Variants in CLDN19 observed in about 807,000 individuals in gnomAD.
The protein encoded by CLDN19 is claudin-19.
In CLDN19, 19 loss-of-function variants were observed where a neutral mutation model predicts 24.5. The observed-to-expected ratio is 0.78, with a 90% CI of 0.54 to 1.14. CLDN19 has a LOEUF of 1.14. Among genes scored for constraint, CLDN19 ranks in the 50% most tolerant of loss-of-function variants. The probability of loss-of-function intolerance (pLI) is 0.00; values close to 1 mark genes in which losing one functional copy is unlikely to be tolerated. For missense variants in CLDN19, 250 were observed against 295.9 expected, an observed-to-expected ratio of 0.84 and a Z score of 1.14; for synonymous variants, 117 against 129.6, an observed-to-expected ratio of 0.90 and a Z score of 0.66.
In CLDN19 at chr1:42,735,278, C is replaced by T. The variant is rs531471001; in HGVS notation, c.627-144G>A. The T allele has an allele frequency of 3.8e-4, 575 of 1,532,940 alleles. No homozygotes were observed. In the African/African-American group the frequency reaches 6.8e-3, roughly 18 times the overall value. The allele number at this position is 1,532,940 out of a possible 1,614,324, so 95.0% of individuals were successfully genotyped here. Reference sequence around the variant, plus strand: ...AGCAGCCCTGCCTGGGGCCCATTCCCGGGGGCAGGGGCGCCATGGTCCGAC... The same window carrying T: ...AGCAGCCCTGCCTGGGGCCCATTCCTGGGGGCAGGGGCGCCATGGTCCGAC... On this transcript the variant is annotated intron_variant, in intron 4 of 4. Coordinates refer to ENST00000296387, the MANE Select transcript of CLDN19 (RefSeq NM_148960.3).
At chr1:42,735,304 C>T in intron 4 of CLDN19, 170 bp from the exon 5 acceptor site, 1 of 1,502,708 alleles carries the variant, frequency 6.7e-7, no homozygotes, top group South Asian at 1.3e-5. Flanking sequence ...ATGGTCCGAC[C>T]TCACCATCTG....
In CLDN19 at chr1:42,740,005, C is replaced by T. The variant is rs118203979; in HGVS notation, c.59G>A (p.Gly20Asp). The change falls in exon 1 of 5, where the codon GGC (glycine) becomes GAC (aspartate). Residue 20 changes from glycine (G) to aspartate (D), a missense_variant. Gly to Asp is a moderately conservative substitution (Grantham distance 94). Coordinates refer to ENST00000296387, the MANE Select transcript of CLDN19 (RefSeq NM_148960.3). Reference protein sequence around the residue: ...GYFLALGGWVGIIASTALPQW... With the variant: ...GYFLALGGWVDIIASTALPQW... Reference sequence around the variant, plus strand: ...TGGCAGGGCTGTGCTAGCAATGATGCCCACCCAGCCACCCAGGGCCAAGAA... The same window carrying T: ...TGGCAGGGCTGTGCTAGCAATGATGTCCACCCAGCCACCCAGGGCCAAGAA... The T allele has an allele frequency of 2.3e-5, 37 of 1,577,704 alleles. No individual in the cohort carries two copies. In the Admixed American group the frequency reaches 3.8e-4, roughly 16 times the overall value.
chr1:42,735,975 G>C lies in CLDN19; in HGVS notation c.529C>G (p.Leu177Val), dbSNP rs867926864. The part of the protein sequence containing the change: ...VGWASAGLAV[L>V]GGSFLCCTCP... ...GTGCAGCAGAGGAAGGAGCCGCCCA[G>C]CACGGCCAGGCCAGCTGAGGCCCAG... Residue 177 changes from leucine to valine, a missense_variant, in exon 4 of 5, where the codon CTG becomes GTG. Coordinates refer to ENST00000296387, the MANE Select transcript of CLDN19 (RefSeq NM_148960.3). 1 of 1,575,030 alleles carries C rather than the reference G, an allele frequency of 6.3e-7. No homozygotes were observed. Among genetic ancestry groups the C allele is most frequent in the South Asian group, 1.2e-5 (1 of 85,852 alleles).
At chr1:42,739,006 A>G (rs1482885180) in intron 1 of CLDN19, among the ~76,000 whole-genome samples, 1 of 152,034 alleles carries the variant, frequency 6.6e-6, no homozygotes, top group East Asian at 1.9e-4. Flanking sequence ...ACCCCTCCCC[A>G]GCAGCCATTC....
At chr1:42,735,686 T>C (rs1651341023) in intron 4 of CLDN19, 192 bp downstream of exon 4, 2 of 1,448,094 alleles carry the variant, frequency 1.4e-6, no homozygotes, top group Non-Finnish European at 1.8e-6. Context: ...GGGTCCTGCC[T>C]CTGGTGTCTC....
At chr1:42,737,842 C>T (rs908332683) in intron 3 of CLDN19, among the ~76,000 whole-genome samples, 1 of 152,168 alleles carries the variant, frequency 6.6e-6, no homozygotes, top group Non-Finnish European at 1.5e-5. Flanking sequence ...GCCACCATGC[C>T]CAGATATTTT....
chr1:42,739,484 G>A (rs1361311354), intron 1 of CLDN19, among the ~76,000 whole-genome samples: 1 of 152,236 alleles, frequency 6.6e-6, no homozygotes, highest in Non-Finnish European at 1.5e-5. Context: ...TCTGTCTACT[G>A]ACTGTGGGGA....
At chr1:42,736,201 C>T (rs1030818171) in intron 3 of CLDN19, among the ~76,000 whole-genome samples, 171 bp from the exon 4 acceptor site, 8 of 152,306 alleles carry the variant, frequency 5.3e-5, no homozygotes, top group Admixed American at 2.6e-4. Context: ...CTCCCTCCCC[C>T]CCAGCCCAGA....
chr1:42,735,219 G>T, intron 4 of CLDN19, 85 bp from the exon 5 acceptor site: 1 of 1,593,502 alleles, frequency 6.3e-7, no homozygotes, highest in Non-Finnish European at 8.5e-7. Flanking sequence ...CCGGACATGG[G>T]TACTGGCCAG....
intron 3 of CLDN19, 73 bp downstream of exon 3, chr1:42,738,156 C>G: frequency 8.1e-7 from 1 of 1,235,094 alleles, no homozygotes; most frequent in African/African-American, 1.5e-5. Context: ...ACTTCCCCCG[C>G]CAGGTGATCC....
intron 4 of CLDN19, chr1:42,735,576 G>A: frequency 7.0e-7 from 1 of 1,422,198 alleles, no homozygotes; most frequent in Non-Finnish European, 9.2e-7. Context: ...CAGCCGGGCT[G>A]GTGCCTGAGG....
intron 1 of CLDN19, among the ~76,000 whole-genome samples, chr1:42,739,631 C>T (rs1651484503): frequency 6.6e-6 from 1 of 152,210 alleles, no homozygotes; most frequent in Non-Finnish European, 1.5e-5. Context: ...GGAATCTGGA[C>T]CCACAGCCGC....
Position 42,738,526 on chromosome 1 carries a change from T to C in CLDN19, c.283A>G (p.Met95Val), listed in dbSNP as rs749031151. 6.2e-7 allele frequency: 1 copy of C among 1,613,894 alleles called. No homozygotes were observed. The highest frequency in any genetic ancestry group is 2.2e-5 in the East Asian group (1 of 44,876). ...TTCATGCCAACTACGCTGAGGACCA[T>C]GGCCACGAAGCCCAGGAGCACGGCC... The part of the protein sequence containing the change: ...VVAVLLGFVA[M>V]VLSVVGMKCT... The change falls in exon 2 of 5, where the codon ATG becomes GTG. Residue 95 changes from methionine (M) to valine (V), a missense_variant. Physicochemically the swap from Met to Val is conservative, Grantham distance 21 (BLOSUM62 1). Transcript: ENST00000296387.
chr1:42,737,094 C>T (rs1651397446), intron 3 of CLDN19, among the ~76,000 whole-genome samples: 1 of 152,266 alleles, frequency 6.6e-6, no homozygotes, highest in African/African-American at 2.4e-5. Context: ...CTGTCCCATT[C>T]TCTGCTCCTG....
intron 1 of CLDN19, among the ~76,000 whole-genome samples, chr1:42,739,123 C>T (rs1651467744): frequency 6.6e-6 from 1 of 152,204 alleles, no homozygotes; most frequent in Non-Finnish European, 1.5e-5. Context: ...ACCTGGGTCC[C>T]TCAGCGAGGC....
chr1:42,735,450 A>G, intron 4 of CLDN19: 1 of 1,411,348 alleles, frequency 7.1e-7, no homozygotes. Context: ...GGGACTGGGG[A>G]GGGTGAAGGT....
chr1:42,736,044 G>A lies in CLDN19; in HGVS notation c.474-14C>T, dbSNP rs1477812826. On this transcript the variant is annotated splice_polypyrimidine_tract_variant and intron_variant, in intron 3 of 4. Transcript: ENST00000296387. Reference sequence around the variant, plus strand: ...CCAAATTCATACCTGCAAGGGGTAGGGAGAGTGGCATCAGGTGTGGCTGCC... The same window carrying A: ...CCAAATTCATACCTGCAAGGGGTAGAGAGAGTGGCATCAGGTGTGGCTGCC... 3 of 1,541,418 alleles carry A rather than the reference G, an allele frequency of 1.9e-6. No homozygotes were observed. Among genetic ancestry groups the A allele is most frequent in the East Asian group, 2.3e-5 (1 of 43,208 alleles).
chr1:42,738,520 G>A lies in CLDN19; in HGVS notation c.289C>T (p.Leu97Phe). The A allele has an allele frequency of 6.2e-7, 1 of 1,614,040 alleles. No individual in the cohort carries two copies. The highest frequency in any genetic ancestry group is 8.5e-7 in the Non-Finnish European group (1 of 1,180,046). ...GTACACTTCATGCCAACTACGCTGA[G>A]GACCATGGCCACGAAGCCCAGGAGC... ...AVLLGFVAMV[L>F]SVVGMKCTRV... Residue 97 changes from leucine (L) to phenylalanine (F), a missense_variant, in exon 2 of 5, where the codon CTC becomes TTC. Leu to Phe is a conservative substitution (Grantham distance 22). Coordinates refer to ENST00000296387, the MANE Select transcript of CLDN19 (RefSeq NM_148960.3).
Position 42,735,882 on chromosome 1 carries a change from G to A in CLDN19, c.622C>T (p.Arg208Ter), listed in dbSNP as rs1011136678. 15 of 1,576,850 alleles carry A rather than the reference G, an allele frequency of 9.5e-6. No individual in the cohort carries two copies. In the Middle Eastern group the frequency reaches 6.7e-4, roughly 70 times the overall value. Residue 208 changes from arginine (R) to a stop codon, truncating the protein, a stop_gained, in exon 4 of 5, where the codon CGA becomes TGA. Transcript: ENST00000296387. LOFTEE classifies it high-confidence loss of function. ...PYRPGPSAAA[R>*]EPVVKLPASA... ...GCAGGCGGAGCTCAGACGTACTCTC[G>A]GGCAGCAGCAGAGGGTCCAGGCCGA... is the stretch of plus-strand genomic sequence containing the variant.
Sources: gnomAD v4.1 joint callset for allele counts (sites outside exome capture counted in the v4.1 genomes callset) on GRCh38, gnomAD v4.1.1 for gene constraint, MANE v1.5 for transcripts, NCBI Gene and HGNC (gene_info 2026-07-23, HGNC 2026-07-21) for gene names.